MALRD1: variants seen among roughly 807,000 people sequenced by gnomAD.
MALRD1 encodes the protein MAM and LDL-receptor class A domain-containing protein 1.
Under a neutral mutation model 242.1 loss-of-function variants are expected in MALRD1, and 247 were observed. That is an observed-to-expected ratio of 1.02 (90% CI 0.92 to 1.13). The LOEUF (loss-of-function observed/expected upper bound fraction) is 1.13, where lower values mean the gene tolerates loss of function less well. MALRD1 is among the 50% of genes most tolerant of loss of function. MALRD1 has a pLI of 0.00. For missense variants in MALRD1, 2,989 were observed against 2,533.1 expected (o/e 1.18, Z -3.86); for synonymous variants, 995 against 866.6 (o/e 1.15, Z -2.60).
At chr10:19,119,497 G>A (rs1479965929) in intron 5 of MALRD1, among the ~76,000 whole-genome samples, 1 of 152,108 alleles carries the variant, frequency 6.6e-6, no homozygotes. Flanking sequence ...GTGCTGACTG[G>A]TCAGAGATGA....
intron 39 of MALRD1, among the ~76,000 whole-genome samples, chr10:19,732,017 A>G (rs186880293): frequency 2.0e-4 from 30 of 152,288 alleles, no homozygotes; most frequent in Admixed American, 4.6e-4. Flanking sequence ...ATGATATGAT[A>G]CACACTTTTA....
At chr10:19,259,491 A>G (rs959048605) in intron 19 of MALRD1, among the ~76,000 whole-genome samples, 4 of 152,184 alleles carry the variant, frequency 2.6e-5, no homozygotes, top group African/African-American at 9.6e-5. Context: ...GTTATAGGCA[A>G]AGAGAGTGTG....
intron 18 of MALRD1, among the ~76,000 whole-genome samples, chr10:19,231,258 G>T (rs1838054310): frequency 6.6e-6 from 1 of 152,126 alleles, no homozygotes; most frequent in African/African-American, 2.4e-5. Context: ...GGTATTTGTT[G>T]TGACTGCCTC....
intron 12 of MALRD1, among the ~76,000 whole-genome samples, chr10:19,157,867 C>T (rs1834234037): frequency 6.6e-6 from 1 of 152,014 alleles, no homozygotes; most frequent in African/African-American, 2.4e-5. Context: ...CGTGAGTTGC[C>T]ATTTCTAACA....
intron 19 of MALRD1, among the ~76,000 whole-genome samples, chr10:19,264,745 G>A (rs191287798): frequency 2.0e-4 from 31 of 152,178 alleles, no homozygotes; most frequent in Admixed American, 1.5e-3. Context: ...GAGCCACCAC[G>A]CCCAGCCCAG....
At position 19,637,555 on chromosome 10, in the gene MALRD1, T is replaced by TG. The variant is rs147651837; in HGVS notation, c.6137+21633dup. Among the ~76,000 whole-genome samples, 662 of 152,316 alleles carry TG rather than the reference T, an allele frequency of 4.3e-3. 4 individuals are homozygous for TG. The highest frequency in any genetic ancestry group is 0.015 in the African/African-American group (618 of 41,574). On this transcript the variant is annotated intron_variant, in intron 36 of 39. Transcript: ENST00000454679. Reference sequence around the variant, plus strand: ...CCAGAATTCCAGTTGAGAGAGGAGTTGCTGATGCTGTGTAACTACATAAGC... The same window carrying TG: ...CCAGAATTCCAGTTGAGAGAGGAGTTGGCTGATGCTGTGTAACTACATAAGC...
chr10:19,614,361 G>A (rs901529402), intron 35 of MALRD1, among the ~76,000 whole-genome samples: 2 of 151,810 alleles, frequency 1.3e-5, no homozygotes, highest in African/African-American at 4.8e-5. Context: ...CATTTTATAG[G>A]GACTCAGAAT....
intron 14 of MALRD1, among the ~76,000 whole-genome samples, chr10:19,197,987 G>T (rs1455319744): frequency 1.3e-5 from 2 of 152,152 alleles, no homozygotes; most frequent in African/African-American, 2.4e-5. Flanking sequence ...TTACTCTCAT[G>T]ATTGCTTACT....
intron 2 of MALRD1, among the ~76,000 whole-genome samples, chr10:19,077,344 A>T (rs1002875831): frequency 6.6e-6 from 1 of 151,930 alleles, no homozygotes; most frequent in Non-Finnish European, 1.5e-5. Context: ...CAGTGTGTTT[A>T]TATGTGTTTT....
chr10:19,602,196 C>CTTT (rs35846232), intron 34 of MALRD1, among the ~76,000 whole-genome samples: 160 of 113,212 alleles, frequency 1.4e-3, no homozygotes, highest in South Asian at 8.6e-3. Context: ...GTAGCATAGT[C>CTTT]TTTTTTTTTT....
chr10:19,245,899 C>G (rs1839021772), intron 18 of MALRD1, among the ~76,000 whole-genome samples: 1 of 152,154 alleles, frequency 6.6e-6, no homozygotes, highest in Non-Finnish European at 1.5e-5. Context: ...TGTGACAATT[C>G]ATTCTAGCTT....
chr10:19,443,837 C>A (rs931975950), intron 28 of MALRD1, among the ~76,000 whole-genome samples: 4 of 152,298 alleles, frequency 2.6e-5, no homozygotes, highest in Admixed American at 2.6e-4. Context: ...TCTATTACAT[C>A]CACTTGGTGC....
Position 19,257,047 on chromosome 10 carries a change from C to T in MALRD1, c.2992-637C>T, listed in dbSNP as rs1564507695. Among the ~76,000 whole-genome samples, 5 of 152,006 alleles carry T rather than the reference C, an allele frequency of 3.3e-5. No homozygotes were observed. In the South Asian group the frequency reaches 8.3e-4, roughly 25 times the overall value. ...CAATCTACCATATACTACAGTGGTT[C>T]GTCTATATGTGGTATTTCATATTTT... On this transcript the variant is annotated intron_variant, in intron 18 of 39. Coordinates refer to ENST00000454679, the MANE Select transcript of MALRD1 (RefSeq NM_001142308.3).
Position 19,291,222 on chromosome 10 carries a change from G to T in MALRD1, c.3419+8041G>T, listed in dbSNP as rs564235138. On this transcript the variant is annotated intron_variant, in intron 21 of 39. Coordinates refer to ENST00000454679, the MANE Select transcript of MALRD1 (RefSeq NM_001142308.3). ...TCCTCACACTTCATTCATGTGAAATGATGTCTGGTAGAATACCTATGTGTA... is the reference window on the plus strand; with the variant it reads ...TCCTCACACTTCATTCATGTGAAATTATGTCTGGTAGAATACCTATGTGTA... Among the ~76,000 whole-genome samples the T allele has an allele frequency of 2.0e-5, 3 of 152,204 alleles. No individual in the cohort carries two copies. In the East Asian group the frequency reaches 5.8e-4, roughly 29 times the overall value.
At chr10:19,128,762 AACTT>A (rs962659022) in intron 8 of MALRD1, among the ~76,000 whole-genome samples, 1 of 152,112 alleles carries the variant, frequency 6.6e-6, no homozygotes, top group Admixed American at 6.6e-5. Flanking sequence ...TAATGGTTAA[AACTT>A]ACTTGTTTGG....
chr10:19,131,919 G>A (rs529820700), intron 8 of MALRD1, among the ~76,000 whole-genome samples: 1 of 152,192 alleles, frequency 6.6e-6, no homozygotes, highest in East Asian at 1.9e-4. Flanking sequence ...ACTAGAAAGT[G>A]GAAGAGTAAG....
At chr10:19,368,779 A>G (rs538303975) in intron 26 of MALRD1, among the ~76,000 whole-genome samples, 98 of 149,752 alleles carry the variant, frequency 6.5e-4, no homozygotes, top group African/African-American at 2.4e-3. Context: ...ATCCTCTTCA[A>G]TTTCTTTCCT....
chr10:19,438,516 C>A (rs975554637), intron 28 of MALRD1, among the ~76,000 whole-genome samples: 2 of 152,130 alleles, frequency 1.3e-5, no homozygotes, highest in African/African-American at 4.8e-5. Flanking sequence ...AATTACTTAC[C>A]CAGAAACGTA....
chr10:19,516,768 T>TTCTTCTCCTCCC lies in MALRD1; in HGVS notation c.5321-14414_5321-14403dup, dbSNP rs546591755. Among the ~76,000 whole-genome samples the TTCTTCTCCTCCC allele has an allele frequency of 1.7e-3, 239 of 143,750 alleles. 2 individuals are homozygous for TTCTTCTCCTCCC. The highest frequency in any genetic ancestry group is 5.7e-3 in the African/African-American group (224 of 39,350). 94.3% of individuals were successfully genotyped at this position (143,750 alleles called of 152,430 possible). A position where few individuals can be genotyped will look rare whatever the true frequency, so the allele number is the denominator to read the frequency against. ...CTTGTTCTTTCTCTTCCCCTTCACC[T>TTCTTCTCCTCCC]TCTTCTCCTCCCTCTTCTCCTCCTT... On this transcript the variant is annotated intron_variant, in intron 31 of 39. Transcript: ENST00000454679.
Sources: gnomAD v4.1 joint callset for allele counts (sites outside exome capture counted in the v4.1 genomes callset) on GRCh38, gnomAD v4.1.1 for gene constraint, MANE v1.5 for transcripts, NCBI Gene and HGNC (gene_info 2026-07-23, HGNC 2026-07-21) for gene names.